Variants in GSE1 observed in about 807,000 individuals in gnomAD.
GSE1 encodes the protein genetic suppressor element 1.
A neutral mutation model predicts 112.6 loss-of-function variants in GSE1; 32 were observed. The observed-to-expected ratio is 0.28, with a 90% confidence interval of 0.21 to 0.38. GSE1 has a LOEUF of 0.38. Ranked by LOEUF, GSE1 falls within the 10% of genes least tolerant of loss-of-function variation. The pLI is 1.00. For missense variants in GSE1, 2,348 were observed against 1,699.2 expected, an observed-to-expected ratio of 1.38 and a Z score of -6.71; for synonymous variants, 1,115 against 735.6, an observed-to-expected ratio of 1.52 and a Z score of -8.35.
intron 2 of GSE1, among the ~76,000 whole-genome samples, chr16:85,462,118 C>T (rs1469182786): frequency 6.6e-6 from 1 of 151,878 alleles, no homozygotes; most frequent in Non-Finnish European, 1.5e-5. Context: ...CTGTGGGCAC[C>T]GGAGCTACAC....
At chr16:85,621,865 A>G (rs1472689803) in intron 1 of GSE1, among the ~76,000 whole-genome samples, 1 of 152,080 alleles carries the variant, frequency 6.6e-6, no homozygotes, top group Non-Finnish European at 1.5e-5. Context: ...CCTCGGGCTC[A>G]TTCTTCCCAC....
intron 2 of GSE1, among the ~76,000 whole-genome samples, chr16:85,382,560 G>T (rs561267069): frequency 2.0e-5 from 3 of 152,280 alleles, no homozygotes; most frequent in South Asian, 4.1e-4. Context: ...GAAAGCAGGG[G>T]GTACCTGCCT....
intron 2 of GSE1, among the ~76,000 whole-genome samples, chr16:85,536,177 A>G (rs1170090979): frequency 2.6e-5 from 4 of 152,228 alleles, no homozygotes; most frequent in Non-Finnish European, 5.9e-5. Context: ...CCAGGTCACC[A>G]ACAAGGCTTC....
intron 15 of GSE1, 128 bp from the exon 16 acceptor site, chr16:85,672,277 G>A (rs753989179): frequency 2.8e-6 from 2 of 702,970 alleles, no homozygotes; most frequent in Admixed American, 2.3e-5. Context: ...TTACAGGCGT[G>A]AGCCACCACG....
At chr16:85,347,755 G>T (rs2046772789) in intron 1 of GSE1, among the ~76,000 whole-genome samples, 1 of 151,260 alleles carries the variant, frequency 6.6e-6, no homozygotes, top group African/African-American at 2.4e-5. Flanking sequence ...AGTAGATGCT[G>T]TGGACATAGT....
intron 1 of GSE1, among the ~76,000 whole-genome samples, chr16:85,232,366 G>T (rs901798420): frequency 6.6e-6 from 1 of 152,154 alleles, no homozygotes; most frequent in Non-Finnish European, 1.5e-5. Flanking sequence ...ACCTTCCCAG[G>T]GGGAGGATGG....
intron 1 of GSE1, among the ~76,000 whole-genome samples, chr16:85,232,400 C>T (rs973399822): frequency 2.0e-5 from 3 of 152,210 alleles, no homozygotes; most frequent in African/African-American, 7.2e-5. Context: ...CCCAGGAGGA[C>T]TCAGGCTCTG....
At chr16:85,655,401 CAT>C (rs1170408658) in intron 5 of GSE1, among the ~76,000 whole-genome samples, 2 of 152,202 alleles carry the variant, frequency 1.3e-5, no homozygotes, top group Non-Finnish European at 2.9e-5. Context: ...GGCCTGTAGT[CAT>C]GTCATGGACC....
chr16:85,459,492 C>G (rs1166322951), intron 2 of GSE1, among the ~76,000 whole-genome samples: 2 of 152,224 alleles, frequency 1.3e-5, no homozygotes, highest in Non-Finnish European at 2.9e-5. Context: ...TTGTTGGCTC[C>G]CATCACCATC....
intron 2 of GSE1, among the ~76,000 whole-genome samples, chr16:85,475,760 T>C (rs2050431806): frequency 6.9e-6 from 1 of 145,422 alleles, no homozygotes; most frequent in African/African-American, 2.5e-5. Flanking sequence ...GGGGAATGTT[T>C]CTTCTAATTG....
chr16:85,511,239 C>A (rs113335695), intron 2 of GSE1, among the ~76,000 whole-genome samples: 3 of 152,276 alleles, frequency 2.0e-5, no homozygotes, highest in Non-Finnish European at 4.4e-5. Context: ...ATGCCTCCCC[C>A]CTCCAGGCTG....
At chr16:85,667,990 G>C in intron 13 of GSE1, 150 bp from the exon 14 acceptor site, 4 of 566,048 alleles carry the variant, frequency 7.1e-6, no homozygotes, top group African/African-American at 2.0e-5. Context: ...CCTTGGGCTA[G>C]GTCCCTCCTC....
At chr16:85,176,486 A>C (rs2074467474) in intron 1 of GSE1, among the ~76,000 whole-genome samples, 1 of 152,196 alleles carries the variant, frequency 6.6e-6, no homozygotes, top group Non-Finnish European at 1.5e-5. Flanking sequence ...CCCAGTGTGG[A>C]CCATCTGTTG....
intron 1 of GSE1, among the ~76,000 whole-genome samples, chr16:85,567,508 C>G (rs11862678): frequency 6.6e-6 from 1 of 152,086 alleles, no homozygotes; most frequent in African/African-American, 2.4e-5. Flanking sequence ...GCTCTCAACG[C>G]TGGGACGCCT....
intron 1 of GSE1, among the ~76,000 whole-genome samples, chr16:85,331,521 ATATATG>A (rs1353056949): frequency 3.2e-4 from 20 of 62,202 alleles, no homozygotes; most frequent in African/African-American, 7.2e-4. Flanking sequence ...ATATATGTGT[ATATATG>A]TGTATATGTG....
At chr16:85,287,906 G>A (rs116383436) in intron 1 of GSE1, among the ~76,000 whole-genome samples, 1,888 of 152,270 alleles carry the variant, frequency 0.012, 40 homozygotes, top group African/African-American at 0.044. Flanking sequence ...CAGTAGGCAC[G>A]GAAGTATTTG....
intron 1 of GSE1, among the ~76,000 whole-genome samples, chr16:85,297,172 G>A (rs2045391922): frequency 1.3e-5 from 2 of 152,238 alleles, no homozygotes; most frequent in South Asian, 4.1e-4. Flanking sequence ...TCAGGAGACG[G>A]CGCTTCCTCT....
chr16:85,368,572 G>A (rs545371959), intron 2 of GSE1, among the ~76,000 whole-genome samples: 1 of 152,162 alleles, frequency 6.6e-6, no homozygotes, highest in South Asian at 2.1e-4. Context: ...GGGCGTGGTG[G>A]TGCACACCTG....
chr16:85,627,044 C>CTTTTTTTTTTTTTTTTTTTTTTTTGT (rs2049133357), intron 1 of GSE1, among the ~76,000 whole-genome samples: 1 of 25,060 alleles, frequency 4.0e-5, no homozygotes, highest in Non-Finnish European at 7.1e-5. Context: ...TTCTTCTTGC[C>CTTTTTTTTTTTTTTTTTTTTTTTTGT]TTTTTTTTTT....
Sources: gnomAD v4.1 joint callset for allele counts (sites outside exome capture counted in the v4.1 genomes callset) on GRCh38, gnomAD v4.1.1 for gene constraint, MANE v1.5 for transcripts, NCBI Gene and HGNC (gene_info 2026-07-23, HGNC 2026-07-21) for gene names.